The following LSAMP variants were observed in gnomAD, a reference collection of about 807,000 sequenced individuals.
LSAMP encodes limbic system associated membrane protein, also known as limbic system-associated membrane protein.
LSAMP carries 7 observed loss-of-function variants against 38.6 expected under a neutral mutation model. That is an observed-to-expected ratio of 0.18 (90% confidence interval 0.10 to 0.34). LSAMP has a LOEUF of 0.34. Among genes scored for constraint, LSAMP ranks in the 10% least tolerant of loss-of-function variants. LSAMP has a pLI of 1.00. For missense variants in LSAMP, 313 were observed against 420.0 expected (o/e 0.75, Z 2.23); for synonymous variants, 154 against 166.8 (o/e 0.92, Z 0.59).
rs528967022 is a variant in LSAMP, at chr3:116,253,791, CAG to C, written c.156-167237_156-167236del. On this transcript the variant is annotated intron_variant, in intron 1 of 6. Transcript: ENST00000490035. ...AGAATGAAAGACAATGGCAGGAAAA[CAG>C]AGTAGAGTGGTATGATTCAAGTTGC... Among the ~76,000 whole-genome samples, 81 of 152,246 alleles carry C rather than the reference CAG, an allele frequency of 5.3e-4. 1 individual carries two copies. Among genetic ancestry groups the C allele is most frequent in the African/African-American group, 1.8e-3 (75 of 41,546 alleles).
At chr3:115,936,220 A>G (rs1937697108) in intron 3 of LSAMP, among the ~76,000 whole-genome samples, 2 of 152,324 alleles carry the variant, frequency 1.3e-5, no homozygotes, top group South Asian at 4.1e-4. Context: ...TTTGGTAGCT[A>G]GAATAGCTAA....
intron 1 of LSAMP, among the ~76,000 whole-genome samples, chr3:116,396,639 G>C (rs901953501): frequency 1.3e-5 from 2 of 152,158 alleles, no homozygotes; most frequent in Non-Finnish European, 2.9e-5. Flanking sequence ...TATTTCTATA[G>C]GATCTAGCAG....
chr3:116,396,307 T>G (rs2048766975), intron 1 of LSAMP, among the ~76,000 whole-genome samples: 1 of 152,160 alleles, frequency 6.6e-6, no homozygotes, highest in African/African-American at 2.4e-5. Context: ...GGAAAGAGCG[T>G]ATCTATGTTT....
chr3:115,966,483 G>C (rs976198342), intron 3 of LSAMP, among the ~76,000 whole-genome samples: 1 of 152,136 alleles, frequency 6.6e-6, no homozygotes, highest in Admixed American at 6.5e-5. Context: ...CTTCCATAAA[G>C]TTAAAAGTGT....
intron 1 of LSAMP, among the ~76,000 whole-genome samples, chr3:116,438,686 G>A (rs1261712268): frequency 6.6e-6 from 1 of 152,188 alleles, no homozygotes; most frequent in Non-Finnish European, 1.5e-5. Flanking sequence ...CTTAGTGATA[G>A]CATTAGAAGC....
intron 3 of LSAMP, among the ~76,000 whole-genome samples, chr3:115,994,887 A>G (rs1939772315): frequency 6.6e-6 from 1 of 151,996 alleles, no homozygotes; most frequent in South Asian, 2.1e-4. Context: ...TGGGGTGATA[A>G]CCTATCACAG....
At chr3:115,884,937 T>C (rs1246645357) in intron 3 of LSAMP, among the ~76,000 whole-genome samples, 1 of 151,962 alleles carries the variant, frequency 6.6e-6, no homozygotes, top group Non-Finnish European at 1.5e-5. Context: ...GTCAGGCAAA[T>C]TGATTTTGAA....
intron 1 of LSAMP, among the ~76,000 whole-genome samples, chr3:116,250,217 T>C (rs1333301905): frequency 6.6e-6 from 1 of 152,214 alleles, no homozygotes; most frequent in East Asian, 1.9e-4. Flanking sequence ...TAAATACATA[T>C]AATCATTGTA....
Position 115,809,437 on chromosome 3 carries a change from T to A in LSAMP, c.*880A>T, listed in dbSNP as rs1933735866. 1.3e-5 allele frequency: 2 copies of A among 153,454 alleles called. No homozygotes were observed. The highest frequency in any genetic ancestry group is 4.8e-5 in the African/African-American group (2 of 41,472). 9.5% of individuals were successfully genotyped at this position (153,454 alleles called of 1,614,324 possible). ...CCCCGCCATCTCCCCCAGCAACTTG[T>A]TACAGCCGCATCTCACAATTACAAT... On this transcript the variant is annotated 3_prime_UTR_variant, in exon 7 of 7. Transcript: ENST00000490035.
At position 116,409,040 on chromosome 3, in the gene LSAMP, C is replaced by G. The variant is rs150888164; in HGVS notation, c.155+35837G>C. On this transcript the variant is annotated intron_variant, in intron 1 of 6. Coordinates refer to ENST00000490035, the MANE Select transcript of LSAMP (RefSeq NM_002338.5). ...GTTTCCCCATCTGAGCACCAGAGATCATATTGGCTCCTAGTTGCCTGGGAG... is the reference window on the plus strand; with the variant it reads ...GTTTCCCCATCTGAGCACCAGAGATGATATTGGCTCCTAGTTGCCTGGGAG... Among the ~76,000 whole-genome samples the G allele has an allele frequency of 1.1e-4, 16 of 152,118 alleles. No homozygotes were observed. In the East Asian group the frequency reaches 3.1e-3, roughly 30 times the overall value.
chr3:116,163,423 G>A (rs1249663997), intron 1 of LSAMP, among the ~76,000 whole-genome samples: 1 of 151,558 alleles, frequency 6.6e-6, no homozygotes, highest in African/African-American at 2.4e-5. Flanking sequence ...TTTTATGGCT[G>A]CATAGTATTC....
At chr3:115,854,064 AT>A (rs1935415717) in intron 3 of LSAMP, among the ~76,000 whole-genome samples, 1 of 152,026 alleles carries the variant, frequency 6.6e-6, no homozygotes, top group African/African-American at 2.4e-5. Flanking sequence ...CTCTCTGGAT[AT>A]TCCAAGCTTC....
chr3:116,090,547 A>G (rs1363912268), intron 1 of LSAMP, among the ~76,000 whole-genome samples: 1 of 152,220 alleles, frequency 6.6e-6, no homozygotes, highest in African/African-American at 2.4e-5. Flanking sequence ...TGTTGCTGCA[A>G]TTTAGTTCTA....
Position 115,822,694 on chromosome 3 carries a change from C to T in LSAMP, c.920-12280G>A, listed in dbSNP as rs76416450. ...TCTTAGTTAATAGGTGGACCATTGC[C>T]CTCATGACTAAGAGTATACATCAAA... On this transcript the variant is annotated intron_variant, in intron 6 of 6. Transcript: ENST00000490035. Among the ~76,000 whole-genome samples, 42 of 152,164 alleles carry T rather than the reference C, an allele frequency of 2.8e-4. No homozygotes were observed. In the East Asian group the frequency reaches 7.2e-3, roughly 26 times the overall value.
intron 1 of LSAMP, among the ~76,000 whole-genome samples, chr3:116,229,609 A>C (rs1203671108): frequency 6.6e-6 from 1 of 152,162 alleles, no homozygotes; most frequent in Non-Finnish European, 1.5e-5. Context: ...TACAGAAGAA[A>C]ATCAATTAAT....
chr3:116,071,565 G>C (rs947676570), intron 2 of LSAMP, among the ~76,000 whole-genome samples: 34 of 152,162 alleles, frequency 2.2e-4, no homozygotes, highest in African/African-American at 8.0e-4. Context: ...ATATTTCACT[G>C]TTTTGTAAAC....
intron 1 of LSAMP, among the ~76,000 whole-genome samples, chr3:116,156,951 A>C (rs1187108070): frequency 6.6e-6 from 1 of 152,142 alleles, no homozygotes; most frequent in Non-Finnish European, 1.5e-5. Context: ...AGATGAGTTT[A>C]ACTTCATATA....
At chr3:115,946,859 C>G (rs1938114640) in intron 3 of LSAMP, among the ~76,000 whole-genome samples, 1 of 151,854 alleles carries the variant, frequency 6.6e-6, no homozygotes, top group African/African-American at 2.4e-5. Context: ...AGGCCCATTT[C>G]TTTTATAAAT....
At chr3:116,371,724 T>C (rs566813431) in intron 1 of LSAMP, among the ~76,000 whole-genome samples, 2 of 152,046 alleles carry the variant, frequency 1.3e-5, no homozygotes, top group African/African-American at 2.4e-5. Flanking sequence ...AGTATCCAAA[T>C]TGAAATGGAA....
Sources: gnomAD v4.1 joint callset for allele counts (sites outside exome capture counted in the v4.1 genomes callset) on GRCh38, gnomAD v4.1.1 for gene constraint, MANE v1.5 for transcripts, NCBI Gene and HGNC (gene_info 2026-07-23, HGNC 2026-07-21) for gene names.